Variants in PRKCE observed in about 807,000 individuals in gnomAD.
PRKCE encodes protein kinase C epsilon.
Under a neutral mutation model 85.4 loss-of-function variants are expected in PRKCE, and 16 were observed. The ratio of observed to expected loss-of-function variants is 0.19; its 90% CI spans 0.13 to 0.28. The LOEUF (loss-of-function observed/expected upper bound fraction) is 0.28, where lower values mean the gene tolerates loss of function less well. Among genes scored for constraint, PRKCE ranks in the 10% least tolerant of loss-of-function variants. The pLI, the probability that PRKCE is intolerant of heterozygous loss-of-function variation, is 1.00. For synonymous variants in PRKCE, 388 were observed against 371.5 expected (o/e 1.04, Z -0.51); for missense variants, 573 against 975.2 (o/e 0.59, Z 5.49).
chr2:45,831,304 A>G (rs193083536), intron 1 of PRKCE, among the ~76,000 whole-genome samples: 8 of 152,384 alleles, frequency 5.2e-5, no homozygotes, highest in Middle Eastern at 3.4e-3. Context: ...GAACTAATGT[A>G]TACACAAAAC....
At chr2:45,797,021 A>G (rs1025553246) in intron 1 of PRKCE, among the ~76,000 whole-genome samples, 18 of 152,210 alleles carry the variant, frequency 1.2e-4, no homozygotes, top group African/African-American at 4.1e-4. Context: ...TTGAGACACA[A>G]TGGTACAAGA....
At chr2:46,113,823 T>C (rs1251912060) in intron 11 of PRKCE, among the ~76,000 whole-genome samples, 1 of 152,102 alleles carries the variant, frequency 6.6e-6, no homozygotes, top group Non-Finnish European at 1.5e-5. Flanking sequence ...ACCCATCATA[T>C]CATAAAGCAG....
At position 45,678,294 on chromosome 2, in the gene PRKCE, A is replaced by G. The variant is rs540500589; in HGVS notation, c.348+25846A>G. Among the ~76,000 whole-genome samples, 30 of 152,372 alleles carry G rather than the reference A, an allele frequency of 2.0e-4. No homozygotes were observed. In the South Asian group the frequency reaches 6.0e-3, roughly 31 times the overall value. On this transcript the variant is annotated intron_variant, in intron 1 of 14. Transcript: ENST00000306156. ...CAATGTCTTTTATTTAATTAAAAGA[A>G]TCAAAGAAACCAAAGTTAAGAATTT... is the stretch of plus-strand genomic sequence containing the variant.
chr2:45,734,086 G>T (rs1486018459), intron 1 of PRKCE, among the ~76,000 whole-genome samples: 1 of 152,218 alleles, frequency 6.6e-6, no homozygotes, highest in African/African-American at 2.4e-5. Context: ...TAAACCCTGG[G>T]CTGGGTGCGG....
chr2:46,129,565 A>G (rs1007609340), intron 11 of PRKCE, among the ~76,000 whole-genome samples: 2 of 152,204 alleles, frequency 1.3e-5, no homozygotes, highest in African/African-American at 4.8e-5. Flanking sequence ...ACATGAGTGT[A>G]TGGGTTTTTT....
At chr2:46,046,236 C>T (rs933692768) in intron 10 of PRKCE, among the ~76,000 whole-genome samples, 1 of 152,242 alleles carries the variant, frequency 6.6e-6, no homozygotes, top group Admixed American at 6.5e-5. Context: ...CAGAGTAAAT[C>T]AGCTGCTCCA....
At chr2:45,888,523 A>G (rs1695472665) in intron 2 of PRKCE, among the ~76,000 whole-genome samples, 1 of 118,574 alleles carries the variant, frequency 8.4e-6, no homozygotes, top group African/African-American at 3.3e-5. Context: ...CCCAGGCTGG[A>G]CTGCAATGGC....
At chr2:45,997,479 C>A (rs1352244504) in intron 6 of PRKCE, among the ~76,000 whole-genome samples, 1 of 152,012 alleles carries the variant, frequency 6.6e-6, no homozygotes, top group African/African-American at 2.4e-5. Context: ...TCCTTTGAAG[C>A]ACTGCTTTTG....
intron 11 of PRKCE, among the ~76,000 whole-genome samples, chr2:46,092,460 G>A (rs1670263019): frequency 6.6e-6 from 1 of 152,176 alleles, no homozygotes; most frequent in Non-Finnish European, 1.5e-5. Flanking sequence ...GAAAGGAGGT[G>A]CCTCTGCCTT....
At chr2:45,741,907 C>T (rs553940619) in intron 1 of PRKCE, among the ~76,000 whole-genome samples, 7 of 152,276 alleles carry the variant, frequency 4.6e-5, no homozygotes, top group Non-Finnish European at 7.4e-5. Context: ...GGGCGGAAGT[C>T]CCCTGTAATG....
At chr2:45,974,795 C>T (rs748233403) in intron 2 of PRKCE, among the ~76,000 whole-genome samples, 3 of 152,146 alleles carry the variant, frequency 2.0e-5, no homozygotes, top group Non-Finnish European at 4.4e-5. Flanking sequence ...ATGTCAGGCA[C>T]TCGCTGATGC....
At chr2:45,719,254 G>A (rs1680410514) in intron 1 of PRKCE, among the ~76,000 whole-genome samples, 1 of 152,208 alleles carries the variant, frequency 6.6e-6, no homozygotes, top group Admixed American at 6.5e-5. Flanking sequence ...TCTTGGAGAT[G>A]ATGTTAATGT....
At chr2:45,797,344 G>C (rs1464578331) in intron 1 of PRKCE, among the ~76,000 whole-genome samples, 1 of 152,154 alleles carries the variant, frequency 6.6e-6, no homozygotes, top group African/African-American at 2.4e-5. Flanking sequence ...GTCCTTACTA[G>C]GGTTTCTCAG....
chr2:45,656,202 T>G (rs1014718703), intron 1 of PRKCE, among the ~76,000 whole-genome samples: 13 of 152,262 alleles, frequency 8.5e-5, no homozygotes, highest in African/African-American at 3.1e-4. Context: ...AGCCCCACTA[T>G]TCATGAAATC....
intron 11 of PRKCE, among the ~76,000 whole-genome samples, chr2:46,125,033 G>C (rs1454324964): frequency 6.6e-6 from 1 of 152,204 alleles, no homozygotes; most frequent in Non-Finnish European, 1.5e-5. Context: ...TTCAGCCACT[G>C]ATTGCCCAGT....
chr2:45,716,690 A>AAGAGAAG (rs1553387083), intron 1 of PRKCE, among the ~76,000 whole-genome samples: 10 of 112,426 alleles, frequency 8.9e-5, no homozygotes, highest in Non-Finnish European at 1.8e-4. Context: ...GAAGAAGAAG[A>AAGAGAAG]GAAGGAAGGA....
At chr2:45,939,207 G>A (rs577643266) in intron 2 of PRKCE, among the ~76,000 whole-genome samples, 140 of 152,274 alleles carry the variant, frequency 9.2e-4, no homozygotes, top group African/African-American at 3.0e-3. Context: ...GGTGTGTTTC[G>A]GGAAAGAAAT....
chr2:45,692,106 A>C (rs559344191), intron 1 of PRKCE, among the ~76,000 whole-genome samples: 2 of 152,304 alleles, frequency 1.3e-5, no homozygotes, highest in African/African-American at 4.8e-5. Context: ...TTCACCAAGA[A>C]GTTAATGAGT....
chr2:45,718,649 A>G (rs1680360279), intron 1 of PRKCE, among the ~76,000 whole-genome samples: 2 of 152,120 alleles, frequency 1.3e-5, no homozygotes, highest in East Asian at 1.9e-4. Flanking sequence ...GCCAAGAACA[A>G]TTGTTATATA....
Sources: allele counts gnomAD v4.1 joint callset (sites outside exome capture counted in the v4.1 genomes callset), GRCh38; gene constraint gnomAD v4.1.1; transcripts MANE v1.5; gene names NCBI Gene and HGNC (gene_info 2026-07-23, HGNC 2026-07-21).